The following ANKS1B variants were observed in gnomAD, a reference collection of about 807,000 sequenced individuals.
ANKS1B encodes ankyrin repeat and sterile alpha motif domain-containing protein 1B.
In ANKS1B, 36 loss-of-function variants were observed where a neutral mutation model predicts 148.3. The observed-to-expected ratio is 0.24, with a 90% confidence interval of 0.19 to 0.32. The LOEUF is 0.32. Among genes scored for constraint, ANKS1B ranks in the 10% least tolerant of loss-of-function variants. The pLI is 1.00. For synonymous variants in ANKS1B, 542 were observed against 560.8 expected, an observed-to-expected ratio of 0.97 and a Z score of 0.47; for missense variants, 1,157 against 1,542.6, an observed-to-expected ratio of 0.75 and a Z score of 4.19.
intron 9 of ANKS1B, among the ~76,000 whole-genome samples, chr12:99,535,557 G>A (rs1366314136): frequency 3.3e-5 from 5 of 152,050 alleles, no homozygotes; most frequent in Admixed American, 1.3e-4. Flanking sequence ...CTAGCATAGC[G>A]CTGTATATCC....
rs1027427798 is a variant in ANKS1B at position 98,965,657 on chromosome 12, G to T, written c.2778+87500C>A. 1.1e-4 allele frequency among the ~76,000 whole-genome samples: 17 copies of T among 152,212 alleles called. No homozygotes were observed. In the South Asian group the frequency reaches 3.3e-3, roughly 30 times the overall value. On this transcript the variant is annotated intron_variant, in intron 17 of 26. Coordinates refer to ENST00000683438, the MANE Select transcript of ANKS1B (RefSeq NM_001352186.2). ...ACCTGACTTCTAACTATACTACAAG[G>T]CTACAGTAACCAAAACAGCATGGTG...
chr12:99,511,147 T>A (rs564508592), intron 9 of ANKS1B, among the ~76,000 whole-genome samples: 43 of 152,146 alleles, frequency 2.8e-4, no homozygotes, highest in African/African-American at 1.0e-3. Context: ...CAGTATGATG[T>A]TGGCTGTGGG....
intron 8 of ANKS1B, among the ~76,000 whole-genome samples, chr12:99,733,876 G>C (rs977005877): frequency 1.3e-5 from 2 of 152,116 alleles, no homozygotes; most frequent in African/African-American, 4.8e-5. Flanking sequence ...TCTGTTTACT[G>C]TACCCCAACT....
intron 12 of ANKS1B, 48 bp downstream of exon 12, chr12:99,399,583 C>T (rs1178442783): frequency 9.5e-6 from 15 of 1,585,456 alleles, no homozygotes; most frequent in Non-Finnish European, 1.3e-5. Flanking sequence ...CTCATAAATA[C>T]TTCAGTCTTA....
intron 12 of ANKS1B, among the ~76,000 whole-genome samples, chr12:99,282,384 G>A (rs1457653919): frequency 1.3e-5 from 2 of 152,138 alleles, no homozygotes. Flanking sequence ...TGTAAACCTT[G>A]CCTTACTTTT....
In ANKS1B at chr12:99,399,548, C is replaced by T. The variant is rs1004734879; in HGVS notation, c.1756+83G>A. The T allele has an allele frequency of 7.3e-5, 105 of 1,432,668 alleles. No individual in the cohort carries two copies. The African/African-American group carries it at 8.6e-4, about 12-fold the overall frequency. 88.7% of individuals were successfully genotyped at this position (1,432,668 alleles called of 1,614,324 possible). The stretch of plus-strand genomic sequence containing the variant: ...AACTAAAAACACAATGCAATTTGTA[C>T]GAAGACTCCTCCTAATTCCTCTAAC... On this transcript the variant is annotated intron_variant, in intron 12 of 26. Coordinates refer to ENST00000683438, the MANE Select transcript of ANKS1B (RefSeq NM_001352186.2).
chr12:99,377,630 T>C (rs1232058170), intron 12 of ANKS1B, among the ~76,000 whole-genome samples: 2 of 152,220 alleles, frequency 1.3e-5, no homozygotes, highest in African/African-American at 2.4e-5. Context: ...AAAATTTGTT[T>C]AGACAAAAGC....
At chr12:99,412,984 C>A (rs1482669514) in intron 11 of ANKS1B, among the ~76,000 whole-genome samples, 2 of 152,158 alleles carry the variant, frequency 1.3e-5, no homozygotes, top group East Asian at 1.9e-4. Context: ...TCAAGACTTG[C>A]TCTAAAGATG....
intron 1 of ANKS1B, among the ~76,000 whole-genome samples, chr12:99,880,428 G>A (rs930409803): frequency 4.6e-5 from 7 of 152,122 alleles, no homozygotes; most frequent in Non-Finnish European, 1.0e-4. Context: ...ACAGCCCAAG[G>A]ATAGCATCAT....
At chr12:99,334,721 C>T (rs1241425103) in intron 12 of ANKS1B, among the ~76,000 whole-genome samples, 1 of 151,988 alleles carries the variant, frequency 6.6e-6, no homozygotes, top group Non-Finnish European at 1.5e-5. Flanking sequence ...CCATTCTCCT[C>T]CCTTTACAAG....
intron 1 of ANKS1B, among the ~76,000 whole-genome samples, chr12:99,964,001 C>A (rs894093289): frequency 6.6e-6 from 1 of 152,078 alleles, no homozygotes; most frequent in Non-Finnish European, 1.5e-5. Context: ...TACTAAAATT[C>A]TTGAGAATGC....
chr12:98,958,866 T>A (rs1159015824), intron 17 of ANKS1B, among the ~76,000 whole-genome samples: 2 of 152,220 alleles, frequency 1.3e-5, no homozygotes, highest in Non-Finnish European at 2.9e-5. Flanking sequence ...AACATTTAGA[T>A]GTATCAATGA....
chr12:98,891,835 A>C (rs2099753408), intron 17 of ANKS1B, among the ~76,000 whole-genome samples: 1 of 152,184 alleles, frequency 6.6e-6, no homozygotes, highest in Non-Finnish European at 1.5e-5. Flanking sequence ...TGCCCACAGA[A>C]GGAAAAAAAT....
intron 12 of ANKS1B, among the ~76,000 whole-genome samples, chr12:99,251,375 T>C (rs2074569076): frequency 6.6e-6 from 1 of 152,246 alleles, no homozygotes; most frequent in African/African-American, 2.4e-5. Flanking sequence ...CTCCTTTGTT[T>C]CTGTTTGTAT....
In ANKS1B at chr12:99,018,861, T is replaced by C. The variant is rs530854931; in HGVS notation, c.2778+34296A>G. On this transcript the variant is annotated intron_variant, in intron 17 of 26. Coordinates refer to ENST00000683438, the MANE Select transcript of ANKS1B (RefSeq NM_001352186.2). ...AGGAGGCTGAGGCAGGAGAATCATT[T>C]GAACCCGGGAGGCAGAGGTTGCAGT... Among the ~76,000 whole-genome samples, 4 of 152,320 alleles carry C rather than the reference T, an allele frequency of 2.6e-5. No homozygotes were observed. The South Asian group carries it at 8.3e-4, about 32-fold the overall frequency.
Position 98,872,760 on chromosome 12 carries a change from GATC to G in ANKS1B, c.2779-40627_2779-40625del, listed in dbSNP as rs1300176460. ...TCAGCTGACACCTTGCTGATACCTT[GATC>G]AGGGTTCTGGAGGCAGGACTTCCAG... On this transcript the variant is annotated intron_variant, in intron 17 of 26. Coordinates refer to ENST00000683438, the MANE Select transcript of ANKS1B (RefSeq NM_001352186.2). Among the ~76,000 whole-genome samples, 3 of 152,218 alleles carry G rather than the reference GATC, an allele frequency of 2.0e-5. No homozygotes were observed. In the East Asian group the frequency reaches 5.8e-4, roughly 29 times the overall value.
At chr12:99,234,204 TA>T (rs1326977358) in intron 14 of ANKS1B, among the ~76,000 whole-genome samples, 1 of 152,178 alleles carries the variant, frequency 6.6e-6, no homozygotes, top group African/African-American at 2.4e-5. Context: ...TTGCTCATTT[TA>T]AATTTACCTC....
At chr12:99,727,617 T>C (rs2058738248) in intron 8 of ANKS1B, among the ~76,000 whole-genome samples, 1 of 152,182 alleles carries the variant, frequency 6.6e-6, no homozygotes, top group South Asian at 2.1e-4. Context: ...ATTGACAATC[T>C]TCACAGAATT....
intron 22 of ANKS1B, among the ~76,000 whole-genome samples, chr12:98,790,565 C>T (rs757175458): frequency 8.6e-5 from 13 of 151,758 alleles, no homozygotes; most frequent in Non-Finnish European, 1.8e-4. Flanking sequence ...CCAAGAGATC[C>T]TCTTGCCTCA....
Sources: gnomAD v4.1 joint callset for allele counts (sites outside exome capture counted in the v4.1 genomes callset) on GRCh38, gnomAD v4.1.1 for gene constraint, MANE v1.5 for transcripts, NCBI Gene and HGNC (gene_info 2026-07-23, HGNC 2026-07-21) for gene names.